UIMC1: variants seen among roughly 807,000 people sequenced by gnomAD.
UIMC1 encodes the protein BRCA1-A complex subunit RAP80.
UIMC1 carries 42 observed loss-of-function variants against 84.9 expected under a neutral mutation model. That is an observed-to-expected ratio of 0.49 (90% CI 0.39 to 0.64). UIMC1 has a LOEUF of 0.64. UIMC1 is among the 30% of genes least tolerant of loss of function. The pLI, the probability that UIMC1 is intolerant of heterozygous loss-of-function variation, is 0.00. For missense variants in UIMC1, 825 were observed against 847.6 expected, an observed-to-expected ratio of 0.97 and a Z score of 0.33; for synonymous variants, 281 against 293.0, an observed-to-expected ratio of 0.96 and a Z score of 0.42.
rs745601242 is a variant in UIMC1, at chr5:176,906,036, T to G, written c.1924A>C (p.Lys642Gln). Residue 642 changes from lysine (K) to glutamine (Q), a missense_variant, in exon 14 of 15, where the codon AAG becomes CAG. By Grantham distance (53) the Lys-to-Gln change is moderately conservative. Coordinates refer to ENST00000511320, the MANE Select transcript of UIMC1 (RefSeq NM_001199298.2). Reference protein sequence around the residue: ...SEHKTSDADIKSSETGAFRVP... With the variant: ...SEHKTSDADIQSSETGAFRVP... ...CTGAAGGCTCCTGTTTCTGAAGACT[T>G]GATGTCTGCATCTGTGATATAAAAG... is the stretch of plus-strand genomic sequence containing the variant. The G allele has an allele frequency of 5.0e-6, 8 of 1,614,018 alleles. No homozygotes were observed. The highest frequency in any genetic ancestry group is 6.8e-6 in the Non-Finnish European group (8 of 1,179,944).
At chr5:177,014,957 G>A (rs2149554859) in intron 1 of UIMC1, among the ~76,000 whole-genome samples, 1 of 152,256 alleles carries the variant, frequency 6.6e-6, no homozygotes, top group East Asian at 1.9e-4. Context: ...TATAGACCAG[G>A]CACGGTGGCT....
rs201096137 is a variant in UIMC1, at chr5:176,933,856, GA to G, written c.1597+9478del. 9.2e-3 allele frequency among the ~76,000 whole-genome samples: 1,387 copies of G among 150,162 alleles called. 8 individuals carry two copies. Among genetic ancestry groups the G allele is most frequent in the South Asian group, 0.025 (120 of 4,746 alleles). On this transcript the variant is annotated intron_variant, in intron 10 of 14. Coordinates refer to ENST00000511320, the MANE Select transcript of UIMC1 (RefSeq NM_001199298.2). ...TGACCCTAGATGTTTATCTTTAATA[GA>G]AAAAAAAATAGGTTAAAAAAAGTCA...
chr5:176,952,680 C>T (rs1484424914), intron 8 of UIMC1, among the ~76,000 whole-genome samples: 2 of 152,066 alleles, frequency 1.3e-5, no homozygotes, highest in Admixed American at 6.5e-5. Context: ...GCCTGCAATC[C>T]CAATGCTTTG....
intron 3 of UIMC1, among the ~76,000 whole-genome samples, chr5:176,972,126 C>T (rs376037288): frequency 6.6e-6 from 1 of 151,918 alleles, no homozygotes; most frequent in African/African-American, 2.4e-5. Context: ...ACAGGCCAGG[C>T]GCGGTGGCTC....
chr5:176,987,742 T>C (rs1023804100), intron 1 of UIMC1, among the ~76,000 whole-genome samples: 1 of 151,728 alleles, frequency 6.6e-6, no homozygotes, highest in African/African-American at 2.4e-5. Flanking sequence ...AGGGATCACC[T>C]AAGCCCAGGA....
intron 10 of UIMC1, among the ~76,000 whole-genome samples, chr5:176,934,860 C>T (rs1352089736): frequency 6.6e-6 from 1 of 152,204 alleles, no homozygotes; most frequent in Non-Finnish European, 1.5e-5. Flanking sequence ...AGCCATTTTG[C>T]TTGTCCCTTA....
chr5:176,965,948 C>T (rs938827378), intron 6 of UIMC1, among the ~76,000 whole-genome samples: 1 of 152,130 alleles, frequency 6.6e-6, no homozygotes, highest in Non-Finnish European at 1.5e-5. Flanking sequence ...GCAGCATCTC[C>T]GAATTGGAAA....
intron 10 of UIMC1, among the ~76,000 whole-genome samples, chr5:176,915,244 T>C (rs2149397376): frequency 6.7e-6 from 1 of 148,850 alleles, no homozygotes; most frequent in South Asian, 2.1e-4. Flanking sequence ...TTTGTTTCTT[T>C]TTTTTTTTTT....
chr5:176,938,660 C>T lies in UIMC1; in HGVS notation c.1597+4675G>A, dbSNP rs545280946. Among the ~76,000 whole-genome samples the T allele has an allele frequency of 2.0e-5, 3 of 152,276 alleles. No homozygotes were observed. The East Asian group carries it at 5.8e-4, about 29-fold the overall frequency. ...CCATTTCCCTTGCTTCTTATCTTAT[C>T]TAAACCCATAGGAGGGGAAAGGGCC... is the stretch of plus-strand genomic sequence containing the variant. On this transcript the variant is annotated intron_variant, in intron 10 of 14. Coordinates refer to ENST00000511320, the MANE Select transcript of UIMC1 (RefSeq NM_001199298.2).
At chr5:176,916,269 C>T (rs971566513) in intron 10 of UIMC1, among the ~76,000 whole-genome samples, 6 of 152,182 alleles carry the variant, frequency 3.9e-5, no homozygotes, top group African/African-American at 1.2e-4. Context: ...GGTCTGAGTA[C>T]AACTATCAGG....
chr5:176,970,597 G>T, intron 4 of UIMC1, 145 bp downstream of exon 4: 2 of 1,311,872 alleles, frequency 1.5e-6, no homozygotes, highest in Non-Finnish European at 2.2e-6. Flanking sequence ...ATTCAACACA[G>T]ACTTTAAAAA....
At chr5:177,015,638 T>G (rs1358831871) in intron 1 of UIMC1, among the ~76,000 whole-genome samples, 1 of 152,166 alleles carries the variant, frequency 6.6e-6, no homozygotes, top group Non-Finnish European at 1.5e-5. Context: ...AAGCATTACT[T>G]GACTCTAACC....
chr5:176,928,190 T>G (rs1156464102), intron 10 of UIMC1, among the ~76,000 whole-genome samples: 1 of 152,150 alleles, frequency 6.6e-6, no homozygotes, highest in African/African-American at 2.4e-5. Context: ...GCCGCCTGAT[T>G]CATTTATAAA....
At chr5:176,951,018 T>C (rs916531817) in intron 9 of UIMC1, among the ~76,000 whole-genome samples, 2 of 152,122 alleles carry the variant, frequency 1.3e-5, no homozygotes, top group Non-Finnish European at 2.9e-5. Context: ...CAGACAGCTA[T>C]CTTGACTTTG....
chr5:177,015,159 G>T (rs1489946474), intron 1 of UIMC1, among the ~76,000 whole-genome samples: 1 of 152,170 alleles, frequency 6.6e-6, no homozygotes, highest in East Asian at 1.9e-4. Flanking sequence ...CAAGCAATGT[G>T]CTAAGTAGTT....
intron 9 of UIMC1, among the ~76,000 whole-genome samples, chr5:176,946,515 A>C (rs1027805262): frequency 2.8e-4 from 43 of 151,958 alleles, no homozygotes; most frequent in Non-Finnish European, 2.8e-4. Context: ...CTGCCTCCAA[A>C]AAAAAAGGAA....
chr5:177,021,436 A>G lies in UIMC1; in HGVS notation c.-9+1028T>C, dbSNP rs562190813. 5.9e-5 allele frequency among the ~76,000 whole-genome samples: 9 copies of G among 152,328 alleles called. No homozygotes were observed. In the East Asian group the frequency reaches 1.7e-3, roughly 29 times the overall value. Reference sequence around the variant, plus strand: ...GACATGAAGTGTGTGTGGAAAAGTAACATTTTAGATGGGATAGCCAGACAA... The same window carrying G: ...GACATGAAGTGTGTGTGGAAAAGTAGCATTTTAGATGGGATAGCCAGACAA... On this transcript the variant is annotated intron_variant, in intron 1 of 5. Coordinates refer to the UIMC1 transcript ENST00000509236.
intron 10 of UIMC1, among the ~76,000 whole-genome samples, chr5:176,930,165 T>TTC (rs1762913061): frequency 6.6e-6 from 1 of 152,282 alleles, no homozygotes; most frequent in South Asian, 2.1e-4. Flanking sequence ...AACTATATGC[T>TTC]TCTTCTGGAT....
At chr5:176,966,838 G>A (rs1432079123) in intron 6 of UIMC1, among the ~76,000 whole-genome samples, 1 of 152,006 alleles carries the variant, frequency 6.6e-6, no homozygotes, top group East Asian at 1.9e-4. Context: ...ACTATATAAA[G>A]TGTATCCACA....
Sources: gnomAD v4.1 joint callset for allele counts (sites outside exome capture counted in the v4.1 genomes callset) on GRCh38, gnomAD v4.1.1 for gene constraint, MANE v1.5 for transcripts, NCBI Gene and HGNC (gene_info 2026-07-23, HGNC 2026-07-21) for gene names.